MYO3B: variants seen among roughly 807,000 people sequenced by gnomAD.
MYO3B encodes myosin IIIB.
In MYO3B, 156 loss-of-function variants were observed where a neutral mutation model predicts 174.6. That is an observed-to-expected ratio of 0.89 (90% confidence interval 0.78 to 1.02). The LOEUF (loss-of-function observed/expected upper bound fraction) is 1.02, where lower values mean the gene tolerates loss of function less well. Ranked by LOEUF, MYO3B falls within the 50% of genes least tolerant of loss-of-function variation. The pLI is 0.00. For synonymous variants in MYO3B, 563 were observed against 569.1 expected, an observed-to-expected ratio of 0.99 and a Z score of 0.15; for missense variants, 1,632 against 1,639.4, an observed-to-expected ratio of 1.00 and a Z score of 0.08.
intron 8 of MYO3B, among the ~76,000 whole-genome samples, chr2:170,352,766 T>A (rs2094085727): frequency 6.6e-6 from 1 of 152,222 alleles, no homozygotes; most frequent in African/African-American, 2.4e-5. Context: ...AGGATACTAT[T>A]GTTTACTCGT....
chr2:170,526,262 G>A (rs1313384560), intron 30 of MYO3B, among the ~76,000 whole-genome samples: 1 of 152,156 alleles, frequency 6.6e-6, no homozygotes, highest in Non-Finnish European at 1.5e-5. Context: ...AAAGGAACTA[G>A]CACAGTTCTA....
chr2:170,222,946 C>T (rs1053419560), intron 6 of MYO3B, among the ~76,000 whole-genome samples: 4 of 152,040 alleles, frequency 2.6e-5, no homozygotes, highest in Admixed American at 1.3e-4. Flanking sequence ...CACACACATA[C>T]ACAACCACCT....
At chr2:170,368,820 T>C (rs970859785) in intron 8 of MYO3B, among the ~76,000 whole-genome samples, 1 of 151,946 alleles carries the variant, frequency 6.6e-6, no homozygotes, top group Non-Finnish European at 1.5e-5. Context: ...AGGATTTAAT[T>C]GAGGTGATAG....
At chr2:170,323,647 G>C (rs1162417253) in intron 7 of MYO3B, among the ~76,000 whole-genome samples, 1 of 152,150 alleles carries the variant, frequency 6.6e-6, no homozygotes, top group Non-Finnish European at 1.5e-5. Context: ...CTAAGCCTCT[G>C]TTTTCTTATC....
intron 22 of MYO3B, among the ~76,000 whole-genome samples, chr2:170,434,712 A>G (rs1206283300): frequency 3.9e-5 from 6 of 152,218 alleles, no homozygotes; most frequent in Non-Finnish European, 5.9e-5. Flanking sequence ...AAAGAATTGA[A>G]CATACTGACA....
At chr2:170,305,958 G>A (rs1311471659) in intron 7 of MYO3B, among the ~76,000 whole-genome samples, 3 of 152,114 alleles carry the variant, frequency 2.0e-5, no homozygotes, top group Non-Finnish European at 4.4e-5. Context: ...TCAGGAATCA[G>A]GGCAGAGCTT....
At position 170,295,567 on chromosome 2, in the gene MYO3B, A is replaced by G. The variant is rs1012432396; in HGVS notation, c.750-39818A>G. Among the ~76,000 whole-genome samples the G allele has an allele frequency of 9.9e-5, 15 of 152,178 alleles. No homozygotes were observed. The East Asian group carries it at 1.9e-3, about 20-fold the overall frequency. ...CTCAATTCATCCATGTATTCTATTT[A>G]TATCTTATTTTTAACATCCCCTGCT... On this transcript the variant is annotated intron_variant, in intron 7 of 34. Coordinates refer to ENST00000408978, the MANE Select transcript of MYO3B (RefSeq NM_138995.5).
chr2:170,529,641 C>T (rs1382420473), intron 30 of MYO3B, among the ~76,000 whole-genome samples: 1 of 152,182 alleles, frequency 6.6e-6, no homozygotes, highest in Non-Finnish European at 1.5e-5. Flanking sequence ...ACGTTGTATC[C>T]TCATCAAGCT....
At chr2:170,611,319 T>C (rs1695114738) in intron 32 of MYO3B, among the ~76,000 whole-genome samples, 1 of 152,218 alleles carries the variant, frequency 6.6e-6, no homozygotes, top group African/African-American at 2.4e-5. Context: ...TAAGTAAATA[T>C]TCTATCAACA....
intron 8 of MYO3B, among the ~76,000 whole-genome samples, chr2:170,346,986 T>C (rs1346538606): frequency 6.6e-6 from 1 of 152,222 alleles, no homozygotes; most frequent in African/African-American, 2.4e-5. Flanking sequence ...TTTTTAATTA[T>C]GACCAAGTTC....
intron 32 of MYO3B, among the ~76,000 whole-genome samples, chr2:170,624,848 G>T (rs1453667231): frequency 1.3e-5 from 2 of 152,122 alleles, no homozygotes; most frequent in Non-Finnish European, 1.5e-5. Flanking sequence ...CTTTGGTTCT[G>T]TTTATATGAT....
intron 32 of MYO3B, among the ~76,000 whole-genome samples, chr2:170,633,555 T>G (rs1697208850): frequency 6.6e-6 from 1 of 152,108 alleles, no homozygotes; most frequent in Admixed American, 6.6e-5. Flanking sequence ...CTTTGAAAAC[T>G]GGCACAAGAC....
At chr2:170,498,414 G>A (rs1490195184) in intron 25 of MYO3B, among the ~76,000 whole-genome samples, 178 bp from the exon 26 acceptor site, 1 of 152,146 alleles carries the variant, frequency 6.6e-6, no homozygotes, top group Non-Finnish European at 1.5e-5. Context: ...TATGAAAGTA[G>A]GGAAGAGCCA....
chr2:170,359,663 C>T (rs16858214), intron 8 of MYO3B, among the ~76,000 whole-genome samples: 1,586 of 152,290 alleles, frequency 0.01, 28 homozygotes, highest in African/African-American at 0.033. Flanking sequence ...CTGTACCCTC[C>T]GCTTGGAATG....
At chr2:170,544,451 A>ACAGAATAT (rs1690342006) in intron 32 of MYO3B, among the ~76,000 whole-genome samples, 1 of 152,214 alleles carries the variant, frequency 6.6e-6, no homozygotes, top group Non-Finnish European at 1.5e-5. Flanking sequence ...ATGTCTTGCT[A>ACAGAATAT]CAGAATATAG....
intron 32 of MYO3B, among the ~76,000 whole-genome samples, chr2:170,634,960 C>G (rs766627882): frequency 2.5e-4 from 38 of 152,138 alleles, no homozygotes; most frequent in Non-Finnish European, 5.3e-4. Context: ...AAAAAGGAAA[C>G]AACAGGTGCT....
rs1683857919 is a variant in MYO3B, at chr2:170,455,527, A to G, written c.2731-7841A>G. On this transcript the variant is annotated intron_variant, in intron 23 of 34. Coordinates refer to ENST00000408978, the MANE Select transcript of MYO3B (RefSeq NM_138995.5). ...AATATGTTAGTCTTAACTTCCTCAT[A>G]TGTGGAATGGGAAGAATAATATTAT... Among the ~76,000 whole-genome samples, 3 of 152,192 alleles carry G rather than the reference A, an allele frequency of 2.0e-5. No individual in the cohort carries two copies. The South Asian group carries it at 6.2e-4, about 31-fold the overall frequency.
At chr2:170,459,032 C>T (rs80001897) in intron 23 of MYO3B, among the ~76,000 whole-genome samples, 5 of 152,128 alleles carry the variant, frequency 3.3e-5, no homozygotes, top group Non-Finnish European at 7.3e-5. Flanking sequence ...TCATCCCTCC[C>T]GGTGGGTTTG....
intron 22 of MYO3B, among the ~76,000 whole-genome samples, chr2:170,427,806 A>G (rs1395962242): frequency 6.6e-6 from 1 of 152,214 alleles, no homozygotes; most frequent in Non-Finnish European, 1.5e-5. Flanking sequence ...TGTGAAAATT[A>G]GACTTGGATA....
Sources: gnomAD v4.1 joint callset for allele counts (sites outside exome capture counted in the v4.1 genomes callset) on GRCh38, gnomAD v4.1.1 for gene constraint, MANE v1.5 for transcripts, NCBI Gene and HGNC (gene_info 2026-07-23, HGNC 2026-07-21) for gene names.